The following GOLGA7B variants were observed in gnomAD, a reference collection of about 807,000 sequenced individuals.
The protein encoded by GOLGA7B is golgin subfamily A member 7B.
Under a neutral mutation model 21.5 loss-of-function variants are expected in GOLGA7B, and 17 were observed. The ratio of observed to expected loss-of-function variants is 0.79; its 90% CI spans 0.54 to 1.19. The LOEUF (loss-of-function observed/expected upper bound fraction) is 1.19, where lower values mean the gene tolerates loss of function less well. Ranked by LOEUF, GOLGA7B falls within the 50% of genes most tolerant of loss-of-function variation. The pLI is 0.00. For missense variants in GOLGA7B, 169 were observed against 224.4 expected, an observed-to-expected ratio of 0.75 and a Z score of 1.58; for synonymous variants, 87 against 84.0, an observed-to-expected ratio of 1.04 and a Z score of -0.19.
At chr10:97,856,526 G>C (rs186555417) in intron 1 of GOLGA7B, among the ~76,000 whole-genome samples, 137 of 152,298 alleles carry the variant, frequency 9.0e-4, no homozygotes, top group African/African-American at 3.2e-3. Flanking sequence ...TTGCTATTGT[G>C]AATAGTGCTA....
intron 1 of GOLGA7B, 37 bp downstream of exon 1, chr10:97,850,352 T>G (rs111519319): frequency 7.3e-6 from 11 of 1,505,788 alleles, no homozygotes; most frequent in Non-Finnish European, 8.9e-6. Context: ...CAGTGCCCGA[T>G]TGCCGCGGGA....
intron 1 of GOLGA7B, among the ~76,000 whole-genome samples, chr10:97,850,618 C>G (rs2049899396): frequency 1.3e-5 from 2 of 152,142 alleles, no homozygotes; most frequent in South Asian, 4.1e-4. Flanking sequence ...GTCCTGAAAC[C>G]GCTTTCCTAG....
At chr10:97,857,683 C>A (rs895656840) in intron 1 of GOLGA7B, among the ~76,000 whole-genome samples, 1 of 152,042 alleles carries the variant, frequency 6.6e-6, no homozygotes, top group Non-Finnish European at 1.5e-5. Flanking sequence ...ATGCAAAGAA[C>A]AATCCTATGC....
At position 97,863,936 on chromosome 10, in the gene GOLGA7B, C is replaced by T. The variant is rs368130428; in HGVS notation, c.145C>T (p.Arg49Trp). ...FPPELDSRIERQLFEETVKTL... is the reference protein window; with the variant it reads ...FPPELDSRIEWQLFEETVKTL... ...GCTCTGTCCCTTTCTCCAGATCGAG[C>T]GGCAGCTCTTTGAAGAGACTGTGAA... Residue 49 changes from arginine to tryptophan, a missense_variant, in exon 3 of 5, where the codon CGG (arginine) becomes TGG (tryptophan). By Grantham distance (101) the Arg-to-Trp change is moderately radical. Coordinates refer to ENST00000370602, the MANE Select transcript of GOLGA7B (RefSeq NM_001010917.3). 3.0e-5 allele frequency: 49 copies of T among 1,611,556 alleles called. No individual in the cohort carries two copies. Among genetic ancestry groups the T allele is most frequent in the East Asian group, 1.3e-4 (6 of 44,872 alleles).
chr10:97,855,327 A>G (rs2049928639), intron 1 of GOLGA7B, among the ~76,000 whole-genome samples: 1 of 152,246 alleles, frequency 6.6e-6, no homozygotes, highest in African/African-American at 2.4e-5. Context: ...AGCCAAAGCA[A>G]TCCTATGCAA....
chr10:97,855,614 G>A (rs1324943680), intron 1 of GOLGA7B, among the ~76,000 whole-genome samples: 1 of 152,158 alleles, frequency 6.6e-6, no homozygotes, highest in Non-Finnish European at 1.5e-5. Flanking sequence ...CTAGGGGTAG[G>A]GGAGTCCATC....
chr10:97,863,818 C>A, intron 2 of GOLGA7B, 112 bp from the exon 3 acceptor site: 1 of 1,195,158 alleles, frequency 8.4e-7, no homozygotes, highest in Non-Finnish European at 1.2e-6. Context: ...GCCTGTGTGC[C>A]AATGTCATCT....
chr10:97,862,307 A>G (rs2049976235), intron 2 of GOLGA7B, among the ~76,000 whole-genome samples: 2 of 152,234 alleles, frequency 1.3e-5, no homozygotes, highest in Admixed American at 1.3e-4. Context: ...CTTGCACAAC[A>G]CAGGGTTAGG....
chr10:97,862,239 G>A (rs1049038920), intron 2 of GOLGA7B, among the ~76,000 whole-genome samples: 7 of 152,120 alleles, frequency 4.6e-5, no homozygotes, highest in African/African-American at 1.4e-4. Context: ...TAAACTCATG[G>A]CATTTATTTT....
At chr10:97,851,506 G>C (rs1443616702) in intron 1 of GOLGA7B, among the ~76,000 whole-genome samples, 3 of 152,206 alleles carry the variant, frequency 2.0e-5, no homozygotes, top group Non-Finnish European at 4.4e-5. Context: ...TGGTGTGAGG[G>C]CAAGCCCTGG....
chr10:97,852,219 T>C (rs1391033331), intron 1 of GOLGA7B, among the ~76,000 whole-genome samples: 1 of 152,214 alleles, frequency 6.6e-6, no homozygotes, highest in African/African-American at 2.4e-5. Flanking sequence ...TTTTCCTGCA[T>C]CCAATTAGCC....
At chr10:97,859,432 C>T (rs776461048) in intron 1 of GOLGA7B, 26 bp from the exon 2 acceptor site, 1 of 1,612,414 alleles carries the variant, frequency 6.2e-7, no homozygotes, top group South Asian at 1.1e-5. Context: ...TCACTCTCAG[C>T]ACATGCCGCC....
At chr10:97,857,362 G>GACACACAC (rs60908270) in intron 1 of GOLGA7B, among the ~76,000 whole-genome samples, 4,634 of 135,468 alleles carry the variant, frequency 0.034, 123 homozygotes, top group Middle Eastern at 0.11. Context: ...ACAATAGCCA[G>GACACACAC]ACACACACAC....
intron 1 of GOLGA7B, among the ~76,000 whole-genome samples, chr10:97,855,441 G>C (rs1449085941): frequency 6.6e-6 from 1 of 152,176 alleles, no homozygotes; most frequent in Non-Finnish European, 1.5e-5. Context: ...AGGAAGCTGA[G>C]TCCATATCAG....
chr10:97,861,320 A>G (rs1285716377), intron 2 of GOLGA7B, among the ~76,000 whole-genome samples: 2 of 152,186 alleles, frequency 1.3e-5, no homozygotes, highest in Non-Finnish European at 2.9e-5. Context: ...ACACAATTGC[A>G]TCTTTTGTGG....
chr10:97,871,466 A>G lies in GOLGA7B; in HGVS notation c.*5766A>G, dbSNP rs2050092656. On this transcript the variant is annotated 3_prime_UTR_variant, in exon 5 of 5. Transcript: ENST00000370602. ...AGAAGTGATACTAGGACCTCGTTAT[A>G]CGATGGCCTCATGATGTAGATTTAT... 1 of 152,254 alleles carries G rather than the reference A, an allele frequency of 6.6e-6. No homozygotes were observed. The highest frequency in any genetic ancestry group is 2.4e-5 in the African/African-American group (1 of 41,454). The allele number at this position is 152,254 out of a possible 1,614,324, so 9.4% of individuals were successfully genotyped here.
intron 2 of GOLGA7B, among the ~76,000 whole-genome samples, chr10:97,861,933 C>T (rs927804794): frequency 6.6e-6 from 1 of 152,138 alleles, no homozygotes; most frequent in Non-Finnish European, 1.5e-5. Flanking sequence ...CCTAAGCTTC[C>T]AACTATTCTT....
chr10:97,865,532 C>T lies in GOLGA7B; in HGVS notation c.394-58C>T, dbSNP rs777231847. On this transcript the variant is annotated intron_variant, in intron 4 of 4. Transcript: ENST00000370602. ...CCCTGCTGGACTCCATCCGCTGGTTCATGTCCCACCCCTGCTCAGCAGCTG... is the reference window on the plus strand; with the variant it reads ...CCCTGCTGGACTCCATCCGCTGGTTTATGTCCCACCCCTGCTCAGCAGCTG... The T allele has an allele frequency of 3.3e-5, 52 of 1,595,692 alleles. No homozygotes were observed. In the Middle Eastern group the frequency reaches 5.0e-4, roughly 15 times the overall value.
rs1491061924 is a variant in GOLGA7B at position 97,866,675 on chromosome 10, CCT to C, written c.*976_*977del. 1 of 152,216 alleles carries C rather than the reference CCT, an allele frequency of 6.6e-6. No homozygotes were observed. Among genetic ancestry groups the C allele is most frequent in the Non-Finnish European group, 1.5e-5 (1 of 68,044 alleles). The allele number at this position is 152,216 out of a possible 1,614,324, so 9.4% of individuals were successfully genotyped here. A position where few individuals can be genotyped will look rare whatever the true frequency, so the allele number is the denominator to read the frequency against. On this transcript the variant is annotated 3_prime_UTR_variant, in exon 5 of 5. Coordinates refer to ENST00000370602, the MANE Select transcript of GOLGA7B (RefSeq NM_001010917.3). ...GAATGTGGACACATTTATAAGCACACCTGTGTGTGTCTGAGTACATGTGCACA... is the reference window on the plus strand; with the variant it reads ...GAATGTGGACACATTTATAAGCACACGTGTGTGTCTGAGTACATGTGCACA...
Sources: gnomAD v4.1 joint callset for allele counts (sites outside exome capture counted in the v4.1 genomes callset) on GRCh38, gnomAD v4.1.1 for gene constraint, MANE v1.5 for transcripts, NCBI Gene and HGNC (gene_info 2026-07-23, HGNC 2026-07-21) for gene names.